Variants in LARGE1 observed in about 807,000 individuals in gnomAD.
The protein encoded by LARGE1 is LARGE xylosyl- and glucuronyltransferase 1.
LARGE1 carries 43 observed loss-of-function variants against 87.6 expected under a neutral mutation model. The ratio of observed to expected loss-of-function variants is 0.49; its 90% confidence interval spans 0.38 to 0.63. The LOEUF (loss-of-function observed/expected upper bound fraction) is 0.63, where lower values mean the gene tolerates loss of function less well. Ranked by LOEUF, LARGE1 falls within the 30% of genes least tolerant of loss-of-function variation. The pLI is 0.00. For missense variants in LARGE1, 802 were observed against 1,000.2 expected, an observed-to-expected ratio of 0.80 and a Z score of 2.67; for synonymous variants, 434 against 394.6, an observed-to-expected ratio of 1.10 and a Z score of -1.18.
At chr22:33,235,189 G>A (rs758619303) in intron 11 of LARGE1, among the ~76,000 whole-genome samples, 1 of 152,326 alleles carries the variant, frequency 6.6e-6, no homozygotes, top group African/African-American at 2.4e-5. Context: ...AAGCAAGAGA[G>A]ACAAGGTTTC....
At chr22:33,344,526 G>A (rs944298798) in intron 9 of LARGE1, among the ~76,000 whole-genome samples, 3 of 152,130 alleles carry the variant, frequency 2.0e-5, no homozygotes, top group South Asian at 2.1e-4. Context: ...GTGACTTACC[G>A]AGAGTCACAC....
chr22:33,486,510 A>G (rs1018612989), intron 6 of LARGE1, among the ~76,000 whole-genome samples: 12 of 149,266 alleles, frequency 8.0e-5, no homozygotes, highest in African/African-American at 2.8e-4. Context: ...AGGACTAAAC[A>G]GAAGAGACAG....
At chr22:33,737,737 G>A (rs1249439055) in intron 2 of LARGE1, 1 of 152,152 alleles carries the variant, frequency 6.6e-6, no homozygotes, top group Non-Finnish European at 1.5e-5. Context: ...AGCAAAGAGT[G>A]GGACAACAAT....
the LARGE1 span, among the ~76,000 whole-genome samples, chr22:33,144,939 T>C: frequency 6.6e-6 from 1 of 152,014 alleles, no homozygotes; most frequent in Non-Finnish European, 1.5e-5. Context: ...TGGCATGTGT[T>C]TGAGAAAGCA....
At chr22:33,559,059 A>G (rs1008593512) in intron 6 of LARGE1, among the ~76,000 whole-genome samples, 2 of 152,256 alleles carry the variant, frequency 1.3e-5, no homozygotes, top group African/African-American at 4.8e-5. Context: ...CTATAACAAA[A>G]TATCTGACAC....
chr22:33,659,073 C>T (rs1447123226), intron 2 of LARGE1, among the ~76,000 whole-genome samples: 3 of 152,332 alleles, frequency 2.0e-5, no homozygotes. Context: ...CTCGGCATCG[C>T]CCTGCTTCCT....
intron 1 of LARGE1, among the ~76,000 whole-genome samples, chr22:33,914,570 G>A (rs1270397394): frequency 2.0e-5 from 3 of 152,212 alleles, no homozygotes; most frequent in African/African-American, 7.2e-5. Flanking sequence ...TAGCTGGCAA[G>A]TCTGGCTGCT....
chr22:33,346,059 C>T (rs1001042877), intron 9 of LARGE1, among the ~76,000 whole-genome samples: 1 of 152,158 alleles, frequency 6.6e-6, no homozygotes, highest in African/African-American at 2.4e-5. Flanking sequence ...ATAGGTAGGC[C>T]TGATGCAAAC....
At chr22:33,589,278 T>C (rs1442358341) in intron 5 of LARGE1, among the ~76,000 whole-genome samples, 1 of 152,212 alleles carries the variant, frequency 6.6e-6, no homozygotes, top group South Asian at 2.1e-4. Flanking sequence ...GGATCTGTCA[T>C]GAGATTTCAA....
intron 9 of LARGE1, among the ~76,000 whole-genome samples, chr22:33,368,013 G>T (rs1028043820): frequency 6.6e-6 from 1 of 151,864 alleles, no homozygotes; most frequent in African/African-American, 2.4e-5. Flanking sequence ...ATTTAATTTT[G>T]CTTTCTTCAG....
chr22:33,155,767 G>A, the LARGE1 span, among the ~76,000 whole-genome samples: 2,642 of 152,238 alleles, frequency 0.017, 78 homozygotes, highest in African/African-American at 0.059. Flanking sequence ...ATGTCTCCAG[G>A]GCATGTCAGA....
chr22:33,128,680 C>CAAAAAAAA, the LARGE1 span, among the ~76,000 whole-genome samples: 29 of 110,158 alleles, frequency 2.6e-4, no homozygotes, highest in Non-Finnish European at 3.5e-4. Context: ...GTCTCAAAAA[C>CAAAAAAAA]AAAAAAAAAA....
chr22:33,337,256 G>A (rs879404832), intron 10 of LARGE1, among the ~76,000 whole-genome samples: 1 of 152,036 alleles, frequency 6.6e-6, no homozygotes, highest in South Asian at 2.1e-4. Context: ...AGCTCTTTTT[G>A]TGTTTCCCCA....
chr22:33,230,955 TC>T (rs1925976648), intron 11 of LARGE1, among the ~76,000 whole-genome samples: 1 of 152,214 alleles, frequency 6.6e-6, no homozygotes, highest in Non-Finnish European at 1.5e-5. Context: ...TTGTAACTTT[TC>T]CAATATAATC....
chr22:33,278,814 G>A (rs903579485), intron 13 of LARGE1, among the ~76,000 whole-genome samples: 4 of 152,090 alleles, frequency 2.6e-5, no homozygotes, highest in Admixed American at 6.5e-5. Context: ...CTGCCTCCCC[G>A]GTTCAAGCGA....
chr22:33,515,363 G>A (rs2148469202), intron 6 of LARGE1, among the ~76,000 whole-genome samples: 1 of 152,244 alleles, frequency 6.6e-6, no homozygotes. Flanking sequence ...ATCTATCCAT[G>A]ACAAACTGTT....
At chr22:33,658,189 C>T (rs1184865622) in intron 2 of LARGE1, among the ~76,000 whole-genome samples, 1 of 152,172 alleles carries the variant, frequency 6.6e-6, no homozygotes, top group Non-Finnish European at 1.5e-5. Flanking sequence ...CATTAAAAAA[C>T]TTAGGAAACA....
intron 2 of LARGE1, among the ~76,000 whole-genome samples, chr22:33,654,214 GA>G: frequency 6.6e-6 from 1 of 152,286 alleles, no homozygotes; most frequent in Non-Finnish European, 1.5e-5. Context: ...AATCAATGTT[GA>G]AAAAAGCAAC....
intron 7 of LARGE1, among the ~76,000 whole-genome samples, chr22:33,396,888 T>C (rs2065764901): frequency 6.6e-6 from 1 of 152,194 alleles, no homozygotes; most frequent in Non-Finnish European, 1.5e-5. Flanking sequence ...GGCTGGCAAA[T>C]ACTTTCAACA....
Sources: gnomAD v4.1 joint callset for allele counts (sites outside exome capture counted in the v4.1 genomes callset) on GRCh38, gnomAD v4.1.1 for gene constraint, MANE v1.5 for transcripts, NCBI Gene and HGNC (gene_info 2026-07-23, HGNC 2026-07-21) for gene names.